The following TRMT2B variants were observed in gnomAD, a reference collection of about 807,000 sequenced individuals.
TRMT2B encodes tRNA (uracil-5-)-methyltransferase homolog B.
TRMT2B carries 34 observed loss-of-function variants against 39.7 expected under a neutral mutation model. That is an observed-to-expected ratio of 0.86 (90% CI 0.65 to 1.14). The LOEUF is 1.14. Ranked by LOEUF, TRMT2B falls within the 50% of genes most tolerant of loss-of-function variation. The pLI is 0.00. For synonymous variants in TRMT2B, 132 were observed against 137.3 expected (o/e 0.96, Z 0.27); for missense variants, 318 against 377.2 (o/e 0.84, Z 1.30).
intron 7 of TRMT2B, among the ~76,000 whole-genome samples, chrX:101,027,455 G>A (rs1256969410): frequency 1.9e-5 from 2 of 107,839 alleles, no homozygotes; most frequent in African/African-American, 6.8e-5. Flanking sequence ...TATTGGTCAG[G>A]CTGGTCTTGA....
downstream of TRMT2B, among the ~76,000 whole-genome samples, chrX:101,009,002 T>C (rs1037479445): frequency 9.0e-6 from 1 of 111,596 alleles, no homozygotes. Flanking sequence ...GCATAATATG[T>C]CTCCTGTCTC....
chrX:101,021,728 A>C (rs936523563), intron 9 of TRMT2B, among the ~76,000 whole-genome samples: 12 of 112,719 alleles, frequency 1.1e-4, no homozygotes, highest in African/African-American at 3.9e-4. Flanking sequence ...CATCTCAGCT[A>C]GGAGACACAG....
At chrX:100,981,718 A>T in the TRMT2B span, among the ~76,000 whole-genome samples, 1 of 108,306 alleles carries the variant, frequency 9.2e-6, no homozygotes, top group Non-Finnish European at 1.9e-5. Context: ...CTAAGGTGGG[A>T]GGATCACTTG....
chrX:101,037,761 C>T (rs1394921625), intron 5 of TRMT2B, among the ~76,000 whole-genome samples, 156 bp downstream of exon 5: 1 of 111,453 alleles, frequency 9.0e-6, no homozygotes, highest in Non-Finnish European at 1.9e-5. Context: ...ATAGTATCTA[C>T]CCCTCCAGGT....
intron 2 of TRMT2B, among the ~76,000 whole-genome samples, chrX:101,044,249 G>GAAAAAAAAAAAAAAAAAAAAAAAA: frequency 2.3e-5 from 1 of 43,560 alleles, no homozygotes; most frequent in Non-Finnish European, 4.3e-5. Context: ...CTCAAAAAGA[G>GAAAAAAAAAAAAAAAAAAAAAAAA]AAAAAAAAAA....
At chrX:101,023,718 T>C (rs1197157628) in intron 7 of TRMT2B, 102 bp from the exon 8 acceptor site, 2 of 878,665 alleles carry the variant, frequency 2.3e-6, no homozygotes, top group African/African-American at 4.0e-5. Context: ...CCCCCAAAAA[T>C]TCCTATGTTG....
intron 13 of TRMT2B, among the ~76,000 whole-genome samples, chrX:101,018,076 C>A (rs1247327430): frequency 2.7e-5 from 3 of 110,777 alleles, no homozygotes; most frequent in Non-Finnish European, 3.8e-5. Context: ...ATAAAAAAAT[C>A]AAAAAAATTA....
intron 4 of TRMT2B, 46 bp downstream of exon 4, chrX:101,041,271 C>A: frequency 8.9e-7 from 1 of 1,126,440 alleles, no homozygotes; most frequent in East Asian, 3.0e-5. Flanking sequence ...GAGTCCAGCA[C>A]CATTCTCCTG....
chrX:100,988,356 C>A, the TRMT2B span: 17 of 1,204,971 alleles, frequency 1.4e-5, no homozygotes, highest in Admixed American at 3.8e-4. Context: ...ACTTTCCCCC[C>A]CATCATCTTC....
Position 101,019,324 on chromosome X carries a change from C to T in TRMT2B, c.1248G>A (p.Gln416=), listed in dbSNP as rs775871777. The T allele has an allele frequency of 8.3e-7, 1 of 1,211,892 alleles. No individual in the cohort carries two copies. Among genetic ancestry groups the T allele is most frequent in the Non-Finnish European group, 1.1e-6 (1 of 895,560 alleles). ...PGLLKSKEDG[Q]SIVAVVNPAR... ...CTGGGTTCACCACAGCAACAATTGACTGTCCATCTTCCTTTGACTTTAGCA... is the reference window on the plus strand; with the variant it reads ...CTGGGTTCACCACAGCAACAATTGATTGTCCATCTTCCTTTGACTTTAGCA... Residue 416 remains glutamine, a synonymous_variant, in exon 12 of 14, where the codon CAG becomes CAA. Transcript: ENST00000372936.
the TRMT2B span, among the ~76,000 whole-genome samples, chrX:100,982,315 A>C: frequency 9.2e-6 from 1 of 109,141 alleles, no homozygotes; most frequent in African/African-American, 3.3e-5. Context: ...ACATGGTGAA[A>C]CCCCCGTCTC....
At position 101,019,051 on chromosome X, in the gene TRMT2B, G is replaced by A. The variant is rs2086666076; in HGVS notation, c.1308C>T (p.Ala436=). 6 of 1,202,803 alleles carry A rather than the reference G, an allele frequency of 5.0e-6. No individual in the cohort carries two copies. In the Middle Eastern group the frequency reaches 1.4e-3, roughly 277 times the overall value. Residue 436 remains alanine, a synonymous_variant, in exon 13 of 14, where the codon GCC becomes GCT. Coordinates refer to ENST00000372936, the MANE Select transcript of TRMT2B (RefSeq NM_024917.6). Reference sequence around the variant, plus strand: ...TGTGGATGGCCCTGAAGTTTCGAATGGCTTGAATCACCTTGTAATCTGAAG... The same window carrying A: ...TGTGGATGGCCCTGAAGTTTCGAATAGCTTGAATCACCTTGTAATCTGAAG... The part of the protein sequence containing the change: ...RAGLHYKVIQ[A]IRNFRAIHTL...
intron 10 of TRMT2B, among the ~76,000 whole-genome samples, 180 bp from the exon 11 acceptor site, chrX:101,020,768 A>G (rs1275245181): frequency 3.6e-5 from 4 of 111,915 alleles, no homozygotes; most frequent in African/African-American, 1.3e-4. Context: ...CTCCCGGGCT[A>G]AAGCAATCCT....
chrX:100,988,239 G>T, the TRMT2B span: 2 of 1,209,408 alleles, frequency 1.7e-6, no homozygotes, highest in Non-Finnish European at 1.1e-6. Context: ...ACAGCATCTA[G>T]AACAATGCTC....
intron 8 of TRMT2B, 96 bp from the exon 9 acceptor site, chrX:101,022,158 G>A (rs2148014261): frequency 1.8e-6 from 1 of 555,826 alleles, no homozygotes; most frequent in Non-Finnish European, 3.1e-6. Flanking sequence ...GTAGTCAGAT[G>A]TGAAGACATT....
the TRMT2B span, chrX:100,974,162 C>G: frequency 8.4e-7 from 1 of 1,192,607 alleles, no homozygotes; most frequent in Non-Finnish European, 1.1e-6. Flanking sequence ...TTGAACAACT[C>G]TGGCAAAACT....
intron 7 of TRMT2B, among the ~76,000 whole-genome samples, chrX:101,025,155 A>G (rs2148021000): frequency 8.9e-6 from 1 of 111,948 alleles, no homozygotes; most frequent in African/African-American, 3.2e-5. Flanking sequence ...CAGGAAAGGT[A>G]TTCTTATTTA....
At chrX:101,049,794 A>G (rs1398800754) in intron 2 of TRMT2B, among the ~76,000 whole-genome samples, 1 of 110,910 alleles carries the variant, frequency 9.0e-6, no homozygotes, top group Non-Finnish European at 1.9e-5. Flanking sequence ...AAAAAAAAAA[A>G]AAAAAGTGTG....
At position 101,014,957 on chromosome X, in the gene TRMT2B, G is replaced by A. The variant is rs758475588; in HGVS notation, c.1388+4014C>T. ...TCCTAAGGGTTCAAGGCCAGCCTGA[G>A]CAACACAGCAAAACCTCATCTCTTT... On this transcript the variant is annotated intron_variant, in intron 13 of 13. Transcript: ENST00000372936. Among the ~76,000 whole-genome samples the A allele has an allele frequency of 7.3e-5, 8 of 110,243 alleles. No homozygotes were observed. The East Asian group carries it at 8.6e-4, about 12-fold the overall frequency.
Sources: allele counts gnomAD v4.1 joint callset (sites outside exome capture counted in the v4.1 genomes callset), GRCh38; gene constraint gnomAD v4.1.1; transcripts MANE v1.5; gene names NCBI Gene and HGNC (gene_info 2026-07-23, HGNC 2026-07-21).